Variants in GRM1 observed in about 807,000 individuals in gnomAD.
GRM1 encodes metabotropic glutamate receptor 1.
A neutral mutation model predicts 90.9 loss-of-function variants in GRM1; 33 were observed. That is an observed-to-expected ratio of 0.36 (90% CI 0.28 to 0.49). The LOEUF (loss-of-function observed/expected upper bound fraction) is 0.49, where lower values mean the gene tolerates loss of function less well. Among genes scored for constraint, GRM1 ranks in the 20% least tolerant of loss-of-function variants. The pLI is 0.99. For synonymous variants in GRM1, 700 were observed against 613.2 expected (o/e 1.14, Z -2.09); for missense variants, 1,190 against 1,534.3 (o/e 0.78, Z 3.75).
intron 5 of GRM1, among the ~76,000 whole-genome samples, chr6:146,380,699 C>T (rs1776289680): frequency 6.6e-6 from 1 of 152,104 alleles, no homozygotes; most frequent in African/African-American, 2.4e-5. Flanking sequence ...AGGAGTTTTG[C>T]CCCATATCCA....
At chr6:146,203,239 A>G (rs557204943) in intron 2 of GRM1, among the ~76,000 whole-genome samples, 2 of 149,652 alleles carry the variant, frequency 1.3e-5, no homozygotes, top group African/African-American at 2.5e-5. Context: ...AAATAAATAA[A>G]TAAATCCCTG....
At chr6:146,103,208 A>G (rs1376248661) in intron 1 of GRM1, among the ~76,000 whole-genome samples, 1 of 152,224 alleles carries the variant, frequency 6.6e-6, no homozygotes, top group Non-Finnish European at 1.5e-5. Context: ...CGGCATTGGA[A>G]ATCCTAACCA....
At chr6:146,225,715 C>A (rs1780217140) in intron 2 of GRM1, among the ~76,000 whole-genome samples, 1 of 152,022 alleles carries the variant, frequency 6.6e-6, no homozygotes, top group African/African-American at 2.4e-5. Flanking sequence ...AATTATGAAA[C>A]TATTTTATGT....
At chr6:146,348,219 A>G (rs566285526) in intron 3 of GRM1, among the ~76,000 whole-genome samples, 2 of 152,336 alleles carry the variant, frequency 1.3e-5, no homozygotes, top group African/African-American at 4.8e-5. Context: ...CCACCAGGTG[A>G]CAATGTTATT....
At chr6:146,160,196 C>T (rs1376715643) in intron 2 of GRM1, among the ~76,000 whole-genome samples, 3 of 152,210 alleles carry the variant, frequency 2.0e-5, no homozygotes, top group Non-Finnish European at 4.4e-5. Flanking sequence ...ACAGAGTTGG[C>T]TAAAGACAAG....
intron 6 of GRM1, among the ~76,000 whole-genome samples, chr6:146,389,934 G>A (rs1312441680): frequency 1.3e-5 from 2 of 152,008 alleles, no homozygotes; most frequent in African/African-American, 4.8e-5. Flanking sequence ...GGCATAGTCC[G>A]TGCCAATGTG....
At chr6:146,202,997 A>T (rs12208275) in intron 2 of GRM1, among the ~76,000 whole-genome samples, 3 of 151,904 alleles carry the variant, frequency 2.0e-5, no homozygotes, top group Admixed American at 6.6e-5. Flanking sequence ...AGAGAGAGAC[A>T]ATCCTGGCTA....
At chr6:146,392,386 A>C (rs568022153) in intron 6 of GRM1, among the ~76,000 whole-genome samples, 1 of 152,268 alleles carries the variant, frequency 6.6e-6, no homozygotes, top group East Asian at 1.9e-4. Context: ...TCTTTCTCGC[A>C]CCGTATTAGA....
At chr6:146,187,133 G>T (rs1008289423) in intron 2 of GRM1, among the ~76,000 whole-genome samples, 2 of 152,120 alleles carry the variant, frequency 1.3e-5, no homozygotes, top group African/African-American at 4.8e-5. Flanking sequence ...TAAAAGATTG[G>T]TTGATTGTGT....
intron 1 of GRM1, among the ~76,000 whole-genome samples, chr6:146,103,832 C>T (rs182019334): frequency 6.6e-6 from 1 of 152,146 alleles, no homozygotes; most frequent in Non-Finnish European, 1.5e-5. Flanking sequence ...TAGGCACAAA[C>T]AAGTGTTCAC....
chr6:146,374,261 C>A (rs1028364396), intron 5 of GRM1, among the ~76,000 whole-genome samples: 2 of 152,008 alleles, frequency 1.3e-5, no homozygotes, highest in African/African-American at 4.8e-5. Context: ...TTGTTGAATT[C>A]TGTTTGCTAC....
intron 2 of GRM1, among the ~76,000 whole-genome samples, chr6:146,257,490 T>C (rs1781523381): frequency 6.6e-6 from 1 of 151,390 alleles, no homozygotes; most frequent in African/African-American, 2.4e-5. Context: ...TGTGCGTATG[T>C]GTGTGTCTGT....
intron 7 of GRM1, among the ~76,000 whole-genome samples, chr6:146,422,700 A>G (rs1217372931): frequency 6.6e-6 from 1 of 152,218 alleles, no homozygotes; most frequent in African/African-American, 2.4e-5. Context: ...CTTCATTTAA[A>G]AAATAAATCT....
At chr6:146,159,698 T>G in intron 2 of GRM1, 101 bp downstream of exon 2, 1 of 1,173,410 alleles carries the variant, frequency 8.5e-7, no homozygotes, top group Non-Finnish European at 1.2e-6. Context: ...TTCACAAAAC[T>G]AGACTTGCTA....
intron 7 of GRM1, among the ~76,000 whole-genome samples, chr6:146,429,283 C>T (rs1443157902): frequency 1.3e-5 from 2 of 152,152 alleles, no homozygotes; most frequent in African/African-American, 4.8e-5. Flanking sequence ...TAAAAAACAC[C>T]TCAGAAATTC....
chr6:146,356,817 G>A (rs1265191222), intron 4 of GRM1, among the ~76,000 whole-genome samples: 2 of 152,118 alleles, frequency 1.3e-5, no homozygotes, highest in Non-Finnish European at 1.5e-5. Context: ...GGTGTGTGGT[G>A]TATAACATGA....
intron 2 of GRM1, among the ~76,000 whole-genome samples, chr6:146,201,137 A>G: frequency 6.6e-6 from 1 of 152,188 alleles, no homozygotes; most frequent in East Asian, 1.9e-4. Context: ...TCAGTGAAAT[A>G]TACTTTTTAA....
intron 1 of GRM1, among the ~76,000 whole-genome samples, chr6:146,123,959 G>A (rs1371322061): frequency 6.6e-6 from 1 of 152,108 alleles, no homozygotes; most frequent in Non-Finnish European, 1.5e-5. Flanking sequence ...ACTCTGTTTC[G>A]AGTTTTAGTA....
intron 1 of GRM1, among the ~76,000 whole-genome samples, chr6:146,030,766 T>C (rs1224749204): frequency 2.0e-5 from 3 of 152,246 alleles, no homozygotes; most frequent in Non-Finnish European, 4.4e-5. Flanking sequence ...TCCCTCAGTA[T>C]ATCAGAAACT....
Sources: gnomAD v4.1 joint callset for allele counts (sites outside exome capture counted in the v4.1 genomes callset) on GRCh38, gnomAD v4.1.1 for gene constraint, MANE v1.5 for transcripts, NCBI Gene and HGNC (gene_info 2026-07-23, HGNC 2026-07-21) for gene names.